The following PXK variants were observed in gnomAD, a reference collection of about 807,000 sequenced individuals.
PXK encodes the protein PX domain containing serine/threonine kinase like.
Under a neutral mutation model 84.7 loss-of-function variants are expected in PXK, and 35 were observed. The observed-to-expected ratio is 0.41, with a 90% CI of 0.32 to 0.55. PXK has a LOEUF of 0.55. Among genes scored for constraint, PXK ranks in the 20% least tolerant of loss-of-function variants. The pLI is 0.21. For missense variants in PXK, 634 were observed against 699.7 expected, an observed-to-expected ratio of 0.91 and a Z score of 1.06; for synonymous variants, 253 against 260.8, an observed-to-expected ratio of 0.97 and a Z score of 0.29.
intron 17 of PXK, chr3:58,422,897 G>T: frequency 1.0e-6 from 1 of 985,402 alleles, no homozygotes; most frequent in South Asian, 4.7e-5. Context: ...TTCTGCCGGG[G>T]GTCAAAGCAC....
At chr3:58,353,627 A>G (rs1244863706) in intron 1 of PXK, among the ~76,000 whole-genome samples, 1 of 152,206 alleles carries the variant, frequency 6.6e-6, no homozygotes, top group Admixed American at 6.5e-5. Context: ...CAGTGAGCTA[A>G]GCAGAAGTCC....
intron 1 of PXK, among the ~76,000 whole-genome samples, chr3:58,338,078 G>A (rs77217124): frequency 0.046 from 6,992 of 150,724 alleles, 567 homozygotes; most frequent in African/African-American, 0.16. Context: ...GTGGTGGCTC[G>A]CACTTGTAAT....
chr3:58,354,176 G>A (rs1406179588), intron 1 of PXK, among the ~76,000 whole-genome samples: 1 of 152,170 alleles, frequency 6.6e-6, no homozygotes. Flanking sequence ...GAGGGAAATA[G>A]TTCTTTCTTG....
rs1559817664 is a variant in PXK, at chr3:58,333,592, G to A, written c.102+502G>A. On this transcript the variant is annotated intron_variant, in intron 1 of 17. Coordinates refer to ENST00000356151, the MANE Select transcript of PXK (RefSeq NM_017771.5). This position sits in a 1 kb window ranked among gnomAD's most constrained non-coding sequence, Gnocchi z 5.4. Reference sequence around the variant, plus strand: ...AGCCTACTTGTTGGGACAGCAGAGTGTAAGTGGCTGGGGTCTGCAGCCCCG... The same window carrying A: ...AGCCTACTTGTTGGGACAGCAGAGTATAAGTGGCTGGGGTCTGCAGCCCCG... 2.2e-6 allele frequency: 1 copy of A among 456,736 alleles called. No homozygotes were observed. The highest frequency in any genetic ancestry group is 4.4e-6 in the Non-Finnish European group (1 of 226,956). The allele number at this position is 456,736 out of a possible 1,614,324, so 28.3% of individuals were successfully genotyped here.
chr3:58,384,319 C>T (rs7647184), intron 4 of PXK, among the ~76,000 whole-genome samples: 44,645 of 152,084 alleles, frequency 0.29, 7,339 homozygotes, highest in Middle Eastern at 0.39. Context: ...AGAAGCCTCA[C>T]GCTAGGATGT....
chr3:58,421,370 C>T lies in PXK; in HGVS notation c.1529-3382C>T. On this transcript the variant is annotated intron_variant, in intron 17 of 17. Transcript: ENST00000356151. This position sits in a 1 kb window ranked among gnomAD's most constrained non-coding sequence, Gnocchi z 5.5. ...GCTGAGGCGGGCGGATCACAAGGATCAGGAGTTCAAGACCAACCTGGCCAA... is the reference window on the plus strand; with the variant it reads ...GCTGAGGCGGGCGGATCACAAGGATTAGGAGTTCAAGACCAACCTGGCCAA... 1 of 955,470 alleles carries T rather than the reference C, an allele frequency of 1.0e-6. No homozygotes were observed. Among genetic ancestry groups the T allele is most frequent in the Non-Finnish European group, 1.2e-6 (1 of 803,002 alleles). The allele number at this position is 955,470 out of a possible 1,614,324, so 59.2% of individuals were successfully genotyped here.
At position 58,407,369 on chromosome 3, in the gene PXK, A is replaced by G. The variant is rs561569448; in HGVS notation, c.1231-1555A>G. Reference sequence around the variant, plus strand: ...GTATATTTTCTTTAGAGAAATGTCTATGTCTTTTGCCTCTTTTTAATTGGG... The same window carrying G: ...GTATATTTTCTTTAGAGAAATGTCTGTGTCTTTTGCCTCTTTTTAATTGGG... On this transcript the variant is annotated intron_variant, in intron 13 of 17. Coordinates refer to ENST00000356151, the MANE Select transcript of PXK (RefSeq NM_017771.5). The surrounding 1 kb of genome is among the most constrained non-coding windows in gnomAD (Gnocchi z 4.3). Among the ~76,000 whole-genome samples the G allele has an allele frequency of 2.4e-4, 37 of 152,098 alleles. No homozygotes were observed. The highest frequency in any genetic ancestry group is 3.2e-4 in the Non-Finnish European group (22 of 67,958).
Position 58,364,755 on chromosome 3 carries a change from T to C in PXK, c.103-1119T>C, listed in dbSNP as rs2098245701. Among the ~76,000 whole-genome samples the C allele has an allele frequency of 6.6e-6, 1 of 152,088 alleles. No individual in the cohort carries two copies. Among genetic ancestry groups the C allele is most frequent in the Non-Finnish European group, 1.5e-5 (1 of 67,998 alleles). ...TGAAGATCAAATTATGTATTTCATA[T>C]TGAGTGAGTTGTGGTATTTAGTGTT... On this transcript the variant is annotated intron_variant, in intron 1 of 17. Coordinates refer to ENST00000356151, the MANE Select transcript of PXK (RefSeq NM_017771.5). This position sits in a 1 kb window ranked among gnomAD's most constrained non-coding sequence, Gnocchi z 4.3.
At chr3:58,418,150 T>G (rs574033531) in intron 17 of PXK, among the ~76,000 whole-genome samples, 1 of 152,320 alleles carries the variant, frequency 6.6e-6, no homozygotes, top group African/African-American at 2.4e-5. Flanking sequence ...TGTAAGAGTA[T>G]TTTGGGAAAG....
rs1346941254 is a variant in PXK, at chr3:58,332,942, G to A, written c.-47G>A. ...GGCGGGCGGCGGGAGTCGGCGCCTC[G>A]GGTTCCTACCTCGCGTCCCTAGGCG... On this transcript the variant is annotated 5_prime_UTR_variant, in exon 1 of 18. Transcript: ENST00000356151. The surrounding 1 kb of genome is among the most constrained non-coding windows in gnomAD (Gnocchi z 5.6). 1.3e-5 allele frequency: 16 copies of A among 1,244,972 alleles called. No homozygotes were observed. Among genetic ancestry groups the A allele is most frequent in the Admixed American group, 6.1e-5 (2 of 32,664 alleles). The allele number at this position is 1,244,972 out of a possible 1,614,324, so 77.1% of individuals were successfully genotyped here. A position where few individuals can be genotyped will look rare whatever the true frequency, so the allele number is the denominator to read the frequency against.
intron 1 of PXK, among the ~76,000 whole-genome samples, chr3:58,346,370 C>CCA (rs2097819912): frequency 1.3e-5 from 2 of 151,968 alleles, no homozygotes; most frequent in South Asian, 4.1e-4. Context: ...GTTAGAGAGG[C>CCA]CACAGCTCAG....
At chr3:58,381,925 T>G (rs1029767063) in intron 3 of PXK, among the ~76,000 whole-genome samples, 2 of 152,192 alleles carry the variant, frequency 1.3e-5, no homozygotes, top group African/African-American at 4.8e-5. Flanking sequence ...GTCATGGGAC[T>G]GCCAGTAATA....
At chr3:58,363,655 C>T (rs2098225279) in intron 1 of PXK, among the ~76,000 whole-genome samples, 1 of 152,084 alleles carries the variant, frequency 6.6e-6, no homozygotes, top group African/African-American at 2.4e-5. Context: ...TTTTGTAGAT[C>T]CCTTGGGATT....
chr3:58,424,671 GTTGTGCTCAGGA>G, intron 17 of PXK, 69 bp from the exon 18 acceptor site: 1 of 1,523,998 alleles, frequency 6.6e-7, no homozygotes, highest in Non-Finnish European at 8.8e-7. Context: ...TCACCAGTCC[GTTGTGCTCAGGA>G]CTGAGCAGCA....
chr3:58,381,613 A>AG (rs1348623420), intron 3 of PXK, among the ~76,000 whole-genome samples: 1 of 151,428 alleles, frequency 6.6e-6, no homozygotes, highest in African/African-American at 2.4e-5. Flanking sequence ...GCATGGCTCT[A>AG]GCTCAGTTGT....
intron 1 of PXK, 29 bp from the exon 2 acceptor site, chr3:58,365,845 T>C: frequency 6.7e-7 from 1 of 1,493,760 alleles, no homozygotes; most frequent in East Asian, 2.4e-5. Context: ...GTTTTATAAC[T>C]GAGGTTATTC....
In PXK at chr3:58,333,213, C is replaced by T. The variant is rs1317552649; in HGVS notation, c.102+123C>T. On this transcript the variant is annotated intron_variant, in intron 1 of 17. Transcript: ENST00000356151. The surrounding 1 kb of genome is among the most constrained non-coding windows in gnomAD (Gnocchi z 5.4). ...GAGACCGGGCCACAGGGTGGGCGGC[C>T]CTGGCCGAGAAGGCTGTGGCGCGCC... The T allele has an allele frequency of 3.4e-5, 18 of 527,276 alleles. No homozygotes were observed. Among genetic ancestry groups the T allele is most frequent in the Non-Finnish European group, 4.4e-5 (18 of 407,286 alleles). 32.7% of individuals were successfully genotyped at this position (527,276 alleles called of 1,614,324 possible).
intron 7 of PXK, among the ~76,000 whole-genome samples, chr3:58,394,163 C>G (rs1456007969): frequency 1.3e-5 from 2 of 152,270 alleles, no homozygotes; most frequent in East Asian, 3.9e-4. Context: ...CTTTCCACCC[C>G]CCAACCTGCT....
rs1003530492 is a variant in PXK at position 58,422,436 on chromosome 3, G to A, written c.1529-2316G>A. Reference sequence around the variant, plus strand: ...CAGCCTGCTGAGGCCACATCAGGGAGATCCTGCTGCCTGTCCTTTCGTTCC... The same window carrying A: ...CAGCCTGCTGAGGCCACATCAGGGAAATCCTGCTGCCTGTCCTTTCGTTCC... On this transcript the variant is annotated intron_variant, in intron 17 of 17. Coordinates refer to ENST00000356151, the MANE Select transcript of PXK (RefSeq NM_017771.5). 4 of 985,326 alleles carry A rather than the reference G, an allele frequency of 4.1e-6. No individual in the cohort carries two copies. The African/African-American group carries it at 7.0e-5, about 17-fold the overall frequency. 61.0% of individuals were successfully genotyped at this position (985,326 alleles called of 1,614,324 possible).
Sources: gnomAD v4.1 joint callset for allele counts (sites outside exome capture counted in the v4.1 genomes callset) on GRCh38, gnomAD v4.1.1 for gene constraint, Gnocchi (gnomAD v3.1) non-coding constraint, MANE v1.5 for transcripts, NCBI Gene and HGNC (gene_info 2026-07-23, HGNC 2026-07-21) for gene names.